The following VASN variants were observed in gnomAD, a reference collection of about 807,000 sequenced individuals.
VASN encodes vasorin.
Under a neutral mutation model 4.8 loss-of-function variants are expected in VASN, and 5 were observed. The observed-to-expected ratio is 1.03, with a 90% confidence interval of 0.54 to 2.17. The LOEUF (loss-of-function observed/expected upper bound fraction) is 2.17, where lower values mean the gene tolerates loss of function less well. Among genes scored for constraint, VASN ranks in the 30% most tolerant of loss-of-function variants. VASN has a pLI of 0.01. For synonymous variants in VASN, 499 were observed against 460.8 expected (o/e 1.08, Z -1.06); for missense variants, 927 against 948.8 (o/e 0.98, Z 0.30).
rs754060547 is a variant in VASN at position 4,382,609 on chromosome 16, A to G, written c.1732A>G (p.Ile578Val). Residue 578 changes from isoleucine to valine, a missense_variant, in exon 2 of 2, where the codon ATT becomes GTT. By Grantham distance (29) the Ile-to-Val change is conservative. Coordinates refer to ENST00000304735, the MANE Select transcript of VASN (RefSeq NM_138440.3). ...QAREGNLPLL[I>V]APALAAVLLA... ...CCGCGAGGGCAACCTGCCGCTCCTCATTGCGCCCGCCCTGGCCGCGGTGCT... is the reference window on the plus strand; with the variant it reads ...CCGCGAGGGCAACCTGCCGCTCCTCGTTGCGCCCGCCCTGGCCGCGGTGCT... 6.4e-5 allele frequency: 102 copies of G among 1,587,774 alleles called. No individual in the cohort carries two copies. Among genetic ancestry groups the G allele is most frequent in the Non-Finnish European group, 8.5e-5 (99 of 1,168,732 alleles).
chr16:4,382,881 C>A lies in VASN; in HGVS notation c.2004C>A (p.His668Gln), dbSNP rs577139431. 11 of 1,544,986 alleles carry A rather than the reference C, an allele frequency of 7.1e-6. No individual in the cohort carries two copies. Among genetic ancestry groups the A allele is most frequent in the Non-Finnish European group, 9.6e-6 (11 of 1,146,954 alleles). Residue 668 changes from histidine to glutamine, a missense_variant, in exon 2 of 2, where the codon CAC (histidine) becomes CAA (glutamine). Transcript: ENST00000304735. The part of the protein sequence containing the change: ...FPGPGLQSPL[H>Q]AKPYI ...GGCCTGGCCTCCAGTCACCCCTCCA[C>A]GCAAAGCCCTACATCTAAGCCAGAG...
In VASN at chr16:4,381,623, A is replaced by G; in HGVS notation, c.746A>G (p.Asn249Ser). 1 of 1,598,720 alleles carries G rather than the reference A, an allele frequency of 6.3e-7. No individual in the cohort carries two copies. The highest frequency in any genetic ancestry group is 8.5e-7 in the Non-Finnish European group (1 of 1,173,378). The change falls in exon 2 of 2, where the codon AAC becomes AGC. Residue 249 changes from asparagine (N) to serine (S), a missense_variant. Coordinates refer to ENST00000304735, the MANE Select transcript of VASN (RefSeq NM_138440.3). ...RGLTRLRLAG[N>S]TRIAQLRPED... ...CTGACGCGCCTGCGGCTGGCCGGCA[A>G]CACCCGCATTGCCCAGCTGCGGCCC...
intron 1 of VASN, among the ~76,000 whole-genome samples, chr16:4,379,528 T>C (rs2054875533): frequency 6.6e-6 from 1 of 152,120 alleles, no homozygotes; most frequent in Non-Finnish European, 1.5e-5. Flanking sequence ...TCGGACTTGC[T>C]GGCACCGCAA....
intron 1 of VASN, among the ~76,000 whole-genome samples, chr16:4,374,900 T>G (rs1223492214): frequency 6.6e-6 from 1 of 152,058 alleles, no homozygotes; most frequent in Non-Finnish European, 1.5e-5. Flanking sequence ...TCAGGGTTAA[T>G]TGCAGGTTAG....
chr16:4,379,643 C>T (rs1052836646), intron 1 of VASN, among the ~76,000 whole-genome samples: 4 of 152,176 alleles, frequency 2.6e-5, no homozygotes, highest in East Asian at 3.9e-4. Context: ...AGTGTTCCTT[C>T]GTCCTTCCCA....
In VASN at chr16:4,382,070, C is replaced by T. The variant is rs368386504; in HGVS notation, c.1193C>T (p.Pro398Leu). The T allele has an allele frequency of 6.1e-5, 97 of 1,588,004 alleles. No individual in the cohort carries two copies. The highest frequency in any genetic ancestry group is 3.3e-4 in the Middle Eastern group (2 of 6,024). ...EAPSPPSTAPPTVGPVPQPQD... is the reference protein window; with the variant it reads ...EAPSPPSTAPLTVGPVPQPQD... ...CCCAGCCCGCCCTCCACTGCCCCAC[C>T]GACTGTAGGGCCTGTCCCCCAGCCC... is the stretch of plus-strand genomic sequence containing the variant. Residue 398 changes from proline (P) to leucine (L), a missense_variant, in exon 2 of 2, where the codon CCG becomes CTG. Transcript: ENST00000304735.
chr16:4,381,421 C>T lies in VASN; in HGVS notation c.544C>T (p.Leu182=), dbSNP rs550476829. 2 of 1,583,282 alleles carry T rather than the reference C, an allele frequency of 1.3e-6. No homozygotes were observed. Among genetic ancestry groups the T allele is most frequent in the Admixed American group, 1.8e-5 (1 of 55,854 alleles). Residue 182 remains leucine, a synonymous_variant, in exon 2 of 2, where the codon CTG becomes TTG. Coordinates refer to ENST00000304735, the MANE Select transcript of VASN (RefSeq NM_138440.3). ...GCTGGACCTCAGCCACAACAGCCTC[C>T]TGGCCCTGGAGCCCGGCATCCTGGA... ...LLLDLSHNSL[L]ALEPGILDTA... is the part of the protein sequence containing the mutation.
At chr16:4,376,102 G>T (rs2054719348) in intron 1 of VASN, among the ~76,000 whole-genome samples, 1 of 152,164 alleles carries the variant, frequency 6.6e-6, no homozygotes, top group African/African-American at 2.4e-5. Context: ...CTATAGGGAG[G>T]GTCTACCTGC....
chr16:4,382,867 C>T lies in VASN; in HGVS notation c.1990C>T (p.Gln664Ter), dbSNP rs759572510. The change falls in exon 2 of 2, where the codon CAG (glutamine) becomes TAG (stop). Residue 664 changes from glutamine (Q) to a stop codon, truncating the protein, a stop_gained. Coordinates refer to ENST00000304735, the MANE Select transcript of VASN (RefSeq NM_138440.3). LOFTEE classifies it high-confidence loss of function. ...PLMGFPGPGL[Q>*]SPLHAKPYI Reference sequence around the variant, plus strand: ...CATGGGCTTCCCAGGGCCTGGCCTCCAGTCACCCCTCCACGCAAAGCCCTA... The same window carrying T: ...CATGGGCTTCCCAGGGCCTGGCCTCTAGTCACCCCTCCACGCAAAGCCCTA... 4 of 1,564,330 alleles carry T rather than the reference C, an allele frequency of 2.6e-6. No individual in the cohort carries two copies. Among genetic ancestry groups the T allele is most frequent in the Middle Eastern group, 1.7e-4 (1 of 5,832 alleles).
At position 4,380,050 on chromosome 16, in the gene VASN, T is replaced by A. The variant is rs1479888665; in HGVS notation, c.-9-819T>A. On this transcript the variant is annotated intron_variant, in intron 1 of 1. Coordinates refer to ENST00000304735, the MANE Select transcript of VASN (RefSeq NM_138440.3). ...TCCAGCTTGGGTGACAGAGCAAGAC[T>A]CCGTCTCAAAAAAAAAAAAAAAAAA... Among the ~76,000 whole-genome samples the A allele has an allele frequency of 5.7e-5, 8 of 140,364 alleles. No homozygotes were observed. The Admixed American group carries it at 5.8e-4, about 10-fold the overall frequency. The allele number at this position is 140,364 out of a possible 152,430, so 92.1% of individuals were successfully genotyped here. A position where few individuals can be genotyped will look rare whatever the true frequency, so the allele number is the denominator to read the frequency against.
intron 1 of VASN, among the ~76,000 whole-genome samples, chr16:4,379,309 G>T (rs2054867978): frequency 2.6e-5 from 4 of 152,092 alleles, no homozygotes; most frequent in Admixed American, 2.6e-4. Context: ...GGACTTCTAG[G>T]GGTGCCAAAG....
At chr16:4,373,009 T>C (rs1596293891) in intron 1 of VASN, among the ~76,000 whole-genome samples, 1 of 152,052 alleles carries the variant, frequency 6.6e-6, no homozygotes, top group Non-Finnish European at 1.5e-5. Context: ...GACTGTACTT[T>C]GGGTGTTGAG....
chr16:4,382,610 T>C lies in VASN; in HGVS notation c.1733T>C (p.Ile578Thr), dbSNP rs1268218760. The C allele has an allele frequency of 7.6e-6, 12 of 1,587,320 alleles. No homozygotes were observed. Among genetic ancestry groups the C allele is most frequent in the South Asian group, 2.3e-5 (2 of 87,688 alleles). ...CGCGAGGGCAACCTGCCGCTCCTCA[T>C]TGCGCCCGCCCTGGCCGCGGTGCTC... ...QAREGNLPLL[I>T]APALAAVLLA... The change falls in exon 2 of 2, where the codon ATT becomes ACT. Residue 578 changes from isoleucine (I) to threonine (T), a missense_variant. Physicochemically the swap from Ile to Thr is moderately conservative, Grantham distance 89. Coordinates refer to ENST00000304735, the MANE Select transcript of VASN (RefSeq NM_138440.3).
chr16:4,373,400 C>T lies in VASN; in HGVS notation c.-10+1407C>T, dbSNP rs750088254. Among the ~76,000 whole-genome samples the T allele has an allele frequency of 6.4e-4, 97 of 152,152 alleles. 1 individual carries two copies. Among genetic ancestry groups the T allele is most frequent in the Non-Finnish European group, 1.0e-3 (71 of 68,014 alleles). ...GCACGTTGGAACAGCTGTCCTGCTA[C>T]CTGTGGGTCCGGAGGGTCAGATGGG... On this transcript the variant is annotated intron_variant, in intron 1 of 1. Coordinates refer to ENST00000304735, the MANE Select transcript of VASN (RefSeq NM_138440.3).
chr16:4,381,453 C>T lies in VASN; in HGVS notation c.576C>T (p.Ala192=), dbSNP rs2054959748. 1 of 1,580,536 alleles carries T rather than the reference C, an allele frequency of 6.3e-7. No homozygotes were observed. ...LALEPGILDT[A]NVEALRLAGL... is the part of the protein sequence containing the mutation. ...TGGAGCCCGGCATCCTGGACACTGC[C>T]AACGTGGAGGCGCTGCGGCTGGCTG... is the stretch of plus-strand genomic sequence containing the variant. The change falls in exon 2 of 2, where the codon GCC becomes GCT. Residue 192 remains alanine (A), a synonymous_variant. Coordinates refer to ENST00000304735, the MANE Select transcript of VASN (RefSeq NM_138440.3).
intron 1 of VASN, among the ~76,000 whole-genome samples, chr16:4,372,668 C>T (rs542257206): frequency 6.6e-6 from 1 of 152,334 alleles, no homozygotes; most frequent in African/African-American, 2.4e-5. Context: ...CTTTGTGTCC[C>T]TGGGCTGGCA....
chr16:4,378,079 G>C (rs559297432), intron 1 of VASN, among the ~76,000 whole-genome samples: 2 of 152,302 alleles, frequency 1.3e-5, no homozygotes, highest in African/African-American at 4.8e-5. Flanking sequence ...CCCCAGTGCA[G>C]GGTGAAGAGC....
rs145395137 is a variant in VASN, at chr16:4,381,783, C to T, written c.906C>T (p.Cys302=). ...CAGCTGCCCGCAACCCCTTCAACTGCGTGTGCCCCCTGAGCTGGTTTGGCC... is the reference window on the plus strand; with the variant it reads ...CAGCTGCCCGCAACCCCTTCAACTGTGTGTGCCCCCTGAGCTGGTTTGGCC... ...LLAAARNPFN[C]VCPLSWFGPW... The change falls in exon 2 of 2, where the codon TGC becomes TGT. Residue 302 remains cysteine, a synonymous_variant. Coordinates refer to ENST00000304735, the MANE Select transcript of VASN (RefSeq NM_138440.3). The T allele has an allele frequency of 1.5e-5, 24 of 1,600,586 alleles. No homozygotes were observed. The highest frequency in any genetic ancestry group is 1.6e-4 in the Middle Eastern group (1 of 6,080).
rs2055078412 is a variant in VASN at position 4,383,475 on chromosome 16, C to G, written c.*576C>G. 6.0e-6 allele frequency: 1 copy of G among 167,056 alleles called. No homozygotes were observed. The highest frequency in any genetic ancestry group is 1.5e-5 in the Non-Finnish European group (1 of 68,126). 10.3% of individuals were successfully genotyped at this position (167,056 alleles called of 1,614,324 possible). A position where few individuals can be genotyped will look rare whatever the true frequency, so the allele number is the denominator to read the frequency against. ...GACAAGGACTTTGGTTTTTGTAAGACAAACGATGATATGAAGGCCTTTTGT... is the reference window on the plus strand; with the variant it reads ...GACAAGGACTTTGGTTTTTGTAAGAGAAACGATGATATGAAGGCCTTTTGT... On this transcript the variant is annotated 3_prime_UTR_variant, in exon 2 of 2. Coordinates refer to ENST00000304735, the MANE Select transcript of VASN (RefSeq NM_138440.3).
Sources: gnomAD v4.1 joint callset for allele counts (sites outside exome capture counted in the v4.1 genomes callset) on GRCh38, gnomAD v4.1.1 for gene constraint, MANE v1.5 for transcripts, NCBI Gene and HGNC (gene_info 2026-07-23, HGNC 2026-07-21) for gene names.